Variants in LARGE1 observed in about 807,000 individuals in gnomAD.
LARGE1 encodes the protein LARGE xylosyl- and glucuronyltransferase 1.
Under a neutral mutation model 87.6 loss-of-function variants are expected in LARGE1, and 43 were observed. That is an observed-to-expected ratio of 0.49 (90% CI 0.38 to 0.63). LARGE1 has a LOEUF of 0.63. LARGE1 is among the 30% of genes least tolerant of loss of function. The pLI, the probability that LARGE1 is intolerant of heterozygous loss-of-function variation, is 0.00. For synonymous variants in LARGE1, 434 were observed against 394.6 expected, an observed-to-expected ratio of 1.10 and a Z score of -1.18; for missense variants, 802 against 1,000.2, an observed-to-expected ratio of 0.80 and a Z score of 2.67.
At chr22:33,606,480 G>C (rs192394991) in intron 4 of LARGE1, among the ~76,000 whole-genome samples, 75 of 151,406 alleles carry the variant, frequency 5.0e-4, no homozygotes, top group African/African-American at 1.7e-3. Context: ...AGGGAGGTGT[G>C]GGGGGCAGGA....
chr22:33,108,205 C>T, the LARGE1 span, among the ~76,000 whole-genome samples: 1 of 152,128 alleles, frequency 6.6e-6, no homozygotes, highest in Admixed American at 6.5e-5. Context: ...TGTACTCATC[C>T]TAATTGTGAG....
intron 11 of LARGE1, among the ~76,000 whole-genome samples, chr22:33,255,668 T>G (rs1261909592): frequency 6.6e-6 from 1 of 152,210 alleles, no homozygotes; most frequent in African/African-American, 2.4e-5. Flanking sequence ...TTAAATGCAT[T>G]CCTCTTTATT....
chr22:33,538,393 G>T (rs545804931), intron 6 of LARGE1, among the ~76,000 whole-genome samples: 5 of 152,224 alleles, frequency 3.3e-5, no homozygotes, highest in African/African-American at 1.2e-4. Context: ...GCATTCTTTA[G>T]TGTCTTCTGT....
chr22:33,537,427 A>T (rs956348100), intron 6 of LARGE1, among the ~76,000 whole-genome samples: 1 of 152,168 alleles, frequency 6.6e-6, no homozygotes, highest in Non-Finnish European at 1.5e-5. Context: ...TTCTCTCTGC[A>T]GCCAAATCTT....
the LARGE1 span, among the ~76,000 whole-genome samples, chr22:33,075,074 T>C: frequency 6.6e-6 from 1 of 152,244 alleles, no homozygotes; most frequent in Non-Finnish European, 1.5e-5. Context: ...ACCAGTGTTA[T>C]AGCCTGAACT....
chr22:33,740,135 C>T (rs1033451283), intron 2 of LARGE1, among the ~76,000 whole-genome samples: 2 of 152,142 alleles, frequency 1.3e-5, no homozygotes, highest in Non-Finnish European at 2.9e-5. Context: ...CCTGGAGAGC[C>T]CAACAATGGC....
At chr22:33,646,723 TTTTTG>T (rs898084416) in intron 3 of LARGE1, among the ~76,000 whole-genome samples, 1 of 152,098 alleles carries the variant, frequency 6.6e-6, no homozygotes, top group Non-Finnish European at 1.5e-5. Flanking sequence ...TGGTTTCCTT[TTTTTG>T]TTTTGTTTTG....
chr22:33,156,606 T>A, the LARGE1 span, among the ~76,000 whole-genome samples: 1 of 152,198 alleles, frequency 6.6e-6, no homozygotes, highest in Non-Finnish European at 1.5e-5. Flanking sequence ...CTTTTGATTT[T>A]AAAGACTTTT....
chr22:33,629,127 C>T (rs1405422785), intron 3 of LARGE1, among the ~76,000 whole-genome samples: 1 of 152,096 alleles, frequency 6.6e-6, no homozygotes, highest in South Asian at 2.1e-4. Flanking sequence ...GACACCATTG[C>T]TTATCTCTGG....
the LARGE1 span, among the ~76,000 whole-genome samples, chr22:33,134,324 T>A: frequency 6.8e-6 from 1 of 148,034 alleles, no homozygotes; most frequent in Non-Finnish European, 1.5e-5. Context: ...AGTGGTGCAA[T>A]CTCTGCTCAC....
downstream of LARGE1, among the ~76,000 whole-genome samples, chr22:33,268,722 C>T (rs552184054): frequency 6.6e-5 from 10 of 152,248 alleles, no homozygotes; most frequent in Non-Finnish European, 1.2e-4. Flanking sequence ...CCACCGCGCC[C>T]GGCCTAGTTG....
At chr22:33,252,832 C>G (rs374182763) in intron 11 of LARGE1, among the ~76,000 whole-genome samples, 8 of 152,290 alleles carry the variant, frequency 5.3e-5, no homozygotes, top group Admixed American at 1.3e-4. Flanking sequence ...AGGAGACACT[C>G]TTTGGGGTCA....
Position 33,754,404 on chromosome 22 carries a change from C to T in LARGE1, c.106+6967G>A, listed in dbSNP as rs148214077. On this transcript the variant is annotated intron_variant, in intron 2 of 14. Transcript: ENST00000397394. ...CAGGCTGGAGTGCAGGGCGCCATCT[C>T]GGCTCACTGCAAGCTCCGCCCCCCA... 2.0e-3 allele frequency among the ~76,000 whole-genome samples: 307 copies of T among 151,616 alleles called. 2 individuals are homozygous for T. Among genetic ancestry groups the T allele is most frequent in the African/African-American group, 6.8e-3 (282 of 41,348 alleles).
intron 11 of LARGE1, among the ~76,000 whole-genome samples, chr22:33,252,501 C>A (rs977955033): frequency 6.6e-6 from 1 of 152,068 alleles, no homozygotes; most frequent in Admixed American, 6.5e-5. Flanking sequence ...ATTAAACGTT[C>A]TCTTATTATT....
chr22:33,482,220 A>AG (rs2069360306), intron 6 of LARGE1, among the ~76,000 whole-genome samples: 1 of 152,242 alleles, frequency 6.6e-6, no homozygotes, highest in Non-Finnish European at 1.5e-5. Context: ...GTCATAACCT[A>AG]GAAAAACCTC....
chr22:33,613,678 T>C (rs1264717699), intron 4 of LARGE1, among the ~76,000 whole-genome samples: 1 of 152,152 alleles, frequency 6.6e-6, no homozygotes, highest in Non-Finnish European at 1.5e-5. Context: ...AAGTTTCTAA[T>C]GATTTGTGGA....
chr22:33,718,525 A>G (rs895139470), intron 2 of LARGE1, among the ~76,000 whole-genome samples: 1 of 152,272 alleles, frequency 6.6e-6, no homozygotes, highest in African/African-American at 2.4e-5. Context: ...GATTTTTAAT[A>G]GACATAGGTT....
chr22:33,602,074 C>T (rs1295452073), intron 5 of LARGE1, among the ~76,000 whole-genome samples: 1 of 152,138 alleles, frequency 6.6e-6, no homozygotes, highest in East Asian at 1.9e-4. Flanking sequence ...TTAAGTCATT[C>T]TGGCCTTGGC....
At chr22:33,669,899 A>T (rs1183521512) in intron 2 of LARGE1, among the ~76,000 whole-genome samples, 1 of 152,240 alleles carries the variant, frequency 6.6e-6, no homozygotes, top group Non-Finnish European at 1.5e-5. Flanking sequence ...TAAATGCAAA[A>T]GGCTCACATT....
Sources: allele counts gnomAD v4.1 joint callset (sites outside exome capture counted in the v4.1 genomes callset), GRCh38; gene constraint gnomAD v4.1.1; transcripts MANE v1.5; gene names NCBI Gene and HGNC (gene_info 2026-07-23, HGNC 2026-07-21).